Variants in NLRP13 observed in about 807,000 individuals in gnomAD.
The protein encoded by NLRP13 is NLR family pyrin domain containing 13, also known as NACHT, LRR and PYD domains-containing protein 13.
Under a neutral mutation model 94.4 loss-of-function variants are expected in NLRP13, and 82 were observed. That is an observed-to-expected ratio of 0.87 (90% CI 0.73 to 1.04). NLRP13 has a LOEUF of 1.04. Among genes scored for constraint, NLRP13 ranks in the 50% least tolerant of loss-of-function variants. The probability of loss-of-function intolerance (pLI) is 0.00; values close to 1 mark genes in which losing one functional copy is unlikely to be tolerated. For synonymous variants in NLRP13, 553 were observed against 464.7 expected (o/e 1.19, Z -2.45); for missense variants, 1,426 against 1,230.8 (o/e 1.16, Z -2.37).
chr19:55,895,883 A>G (rs919551849), downstream of NLRP13: 38 of 1,547,442 alleles, frequency 2.5e-5, no homozygotes, highest in South Asian at 3.8e-4. Flanking sequence ...CACATGCTCT[A>G]GAAGCCTAGT....
chr19:55,923,359 A>G (rs1158924845), intron 4 of NLRP13, among the ~76,000 whole-genome samples: 1 of 152,170 alleles, frequency 6.6e-6, no homozygotes, highest in Non-Finnish European at 1.5e-5. Flanking sequence ...AGCTTTGGGG[A>G]AGAATGAGCT....
At chr19:55,901,439 G>GA (rs1395734131) in intron 9 of NLRP13, among the ~76,000 whole-genome samples, 1 of 152,090 alleles carries the variant, frequency 6.6e-6, no homozygotes, top group African/African-American at 2.4e-5. Flanking sequence ...GGGAGAGGGG[G>GA]AAAAGTCGTC....
At chr19:55,913,643 C>T (rs1568695901) in intron 4 of NLRP13, among the ~76,000 whole-genome samples, 3 of 150,142 alleles carry the variant, frequency 2.0e-5, no homozygotes, top group Non-Finnish European at 3.0e-5. Context: ...AACATAAGAG[C>T]GATCAAGAAC....
intron 9 of NLRP13, among the ~76,000 whole-genome samples, 197 bp from the exon 10 acceptor site, chr19:55,899,134 C>G (rs777724592): frequency 6.6e-6 from 1 of 151,786 alleles, no homozygotes; most frequent in Admixed American, 6.6e-5. Flanking sequence ...GATAGAAAGC[C>G]GAGGGCACAG....
chr19:55,891,945 C>G (rs1985860966), downstream of NLRP13: 1 of 423,092 alleles, frequency 2.4e-6, no homozygotes, highest in Non-Finnish European at 4.0e-6. Flanking sequence ...CCAGGATGTC[C>G]TGGTGGCTTT....
At chr19:55,923,322 G>T (rs1986882844) in intron 4 of NLRP13, among the ~76,000 whole-genome samples, 1 of 152,186 alleles carries the variant, frequency 6.6e-6, no homozygotes, top group African/African-American at 2.4e-5. Flanking sequence ...AAACTTTCTT[G>T]GAAGGCTGGG....
At chr19:55,924,740 C>T (rs74320618) in intron 2 of NLRP13, 82 bp from the exon 3 acceptor site, 9 of 1,240,114 alleles carry the variant, frequency 7.3e-6, no homozygotes, top group Non-Finnish European at 9.5e-6. Flanking sequence ...CCAGTAGAAC[C>T]AACTTTTTCT....
At position 55,912,683 on chromosome 19, in the gene NLRP13, T is replaced by C. The variant is rs202057750; in HGVS notation, c.1134A>G (p.Pro378=). 1.2e-6 allele frequency: 2 copies of C among 1,614,168 alleles called. No individual in the cohort carries two copies. The highest frequency in any genetic ancestry group is 2.2e-5 in the East Asian group (1 of 44,872). Residue 378 remains proline, a synonymous_variant, in exon 5 of 11, where the codon CCA becomes CCG. Transcript: ENST00000342929. ...VRDLKASLVN[P]CFVQITGFTG... The stretch of plus-strand genomic sequence containing the variant: ...TGAACCCTGTAATTTGTACAAAGCA[T>C]GGATTCACTAATGAGGCCTTAAGAT...
intron 4 of NLRP13, among the ~76,000 whole-genome samples, chr19:55,920,330 G>A (rs1333865597): frequency 6.6e-6 from 1 of 152,120 alleles, no homozygotes; most frequent in Non-Finnish European, 1.5e-5. Flanking sequence ...AAACTGATAT[G>A]CCTTAATTAA....
Position 55,913,214 on chromosome 19 carries a change from G to A in NLRP13, c.603C>T (p.His201=), listed in dbSNP as rs561959443. The A allele has an allele frequency of 1.1e-5, 18 of 1,613,924 alleles. No homozygotes were observed. Among genetic ancestry groups the A allele is most frequent in the African/African-American group, 6.7e-5 (5 of 74,884 alleles). Reference sequence around the variant, plus strand: ...CCTTTGATGTATTACGGATATATACGTGGTCTTTAGGCCAACTGATGTTGT... The same window carrying A: ...CCTTTGATGTATTACGGATATATACATGGTCTTTAGGCCAACTGATGTTGT... The part of the protein sequence containing the change: ...TWDNISWPKD[H]VYIRNTSKDE... The change falls in exon 5 of 11, where the codon CAC becomes CAT. Residue 201 remains histidine, a synonymous_variant. Transcript: ENST00000342929.
chr19:55,911,950 A>C lies in NLRP13; in HGVS notation c.1867T>G (p.Leu623Val). The C allele has an allele frequency of 6.2e-7, 1 of 1,614,072 alleles. No homozygotes were observed. The highest frequency in any genetic ancestry group is 8.5e-7 in the Non-Finnish European group (1 of 1,180,006). Residue 623 changes from leucine to valine, a missense_variant, in exon 5 of 11, where the codon TTA becomes GTA. Physicochemically the swap from Leu to Val is conservative, Grantham distance 32. Transcript: ENST00000342929. Reference protein sequence around the residue: ...MEELLKWGEELGKAESASLQF... With the variant: ...MEELLKWGEEVGKAESASLQF... ...AGAGAGGCACTTTCAGCCTTACCTA[A>C]CTCTTCTCCCCACTTTAATAATTCC... is the stretch of plus-strand genomic sequence containing the variant.
At chr19:55,928,746 A>C (rs1987030767) in intron 1 of NLRP13, among the ~76,000 whole-genome samples, 2 of 152,186 alleles carry the variant, frequency 1.3e-5, no homozygotes, top group African/African-American at 4.8e-5. Context: ...CTTCATGACT[A>C]AAACACCAAA....
At chr19:55,925,085 G>C in intron 1 of NLRP13, 50 bp from the exon 2 acceptor site, 2 of 1,535,464 alleles carry the variant, frequency 1.3e-6, no homozygotes, top group Non-Finnish European at 1.8e-6. Context: ...ACTGAAAATG[G>C]ACCAGCAATA....
At position 55,910,474 on chromosome 19, in the gene NLRP13, T is replaced by C. The variant is rs74875896; in HGVS notation, c.2282+89A>G. 4.9e-3 allele frequency: 6,269 copies of C among 1,281,062 alleles called. 240 individuals are homozygous for C. In the African/African-American group the frequency reaches 0.078, roughly 16 times the overall value. 79.4% of individuals were successfully genotyped at this position (1,281,062 alleles called of 1,614,324 possible). A position where few individuals can be genotyped will look rare whatever the true frequency, so the allele number is the denominator to read the frequency against. ...CCTCCTGAGCACGTAGCTTGCCTTCTGGCAAATAGTCAACCACACTCATCA... is the reference window on the plus strand; with the variant it reads ...CCTCCTGAGCACGTAGCTTGCCTTCCGGCAAATAGTCAACCACACTCATCA... On this transcript the variant is annotated intron_variant, in intron 6 of 10. Coordinates refer to ENST00000342929, the MANE Select transcript of NLRP13 (RefSeq NM_176810.2).
intron 6 of NLRP13, among the ~76,000 whole-genome samples, 187 bp from the exon 7 acceptor site, chr19:55,908,143 C>G (rs1485425212): frequency 2.0e-5 from 3 of 152,044 alleles, no homozygotes; most frequent in Non-Finnish European, 4.4e-5. Context: ...TATACTCCCC[C>G]CAAAAAAATC....
chr19:55,911,542 C>G (rs1986508655), intron 5 of NLRP13, among the ~76,000 whole-genome samples, 164 bp downstream of exon 5: 1 of 152,178 alleles, frequency 6.6e-6, no homozygotes, highest in Non-Finnish European at 1.5e-5. Context: ...CTAGGTGATG[C>G]CTAAAGGACA....
intron 1 of NLRP13, among the ~76,000 whole-genome samples, chr19:55,928,339 T>C (rs185232876): frequency 2.8e-4 from 43 of 152,336 alleles, no homozygotes; most frequent in Middle Eastern, 6.8e-3. Context: ...ACGCATCACT[T>C]GCCTGTATCC....
downstream of NLRP13, among the ~76,000 whole-genome samples, chr19:55,892,804 G>A (rs148974167): frequency 0.011 from 1,626 of 152,280 alleles, 35 homozygotes; most frequent in African/African-American, 0.037. Flanking sequence ...TTCTGTTCCT[G>A]CATTAGTTCA....
intron 10 of NLRP13, among the ~76,000 whole-genome samples, chr19:55,897,447 A>C (rs1001272568): frequency 6.6e-6 from 1 of 152,120 alleles, no homozygotes; most frequent in African/African-American, 2.4e-5. Flanking sequence ...TTGAGGTTGC[A>C]CTGAGCTGAG....
Sources: allele counts gnomAD v4.1 joint callset (sites outside exome capture counted in the v4.1 genomes callset), GRCh38; gene constraint gnomAD v4.1.1; transcripts MANE v1.5; gene names NCBI Gene and HGNC (gene_info 2026-07-23, HGNC 2026-07-21).